Variants in CDH12 observed in about 807,000 individuals in gnomAD.
CDH12 encodes the protein cadherin 12, also known as cadherin-12.
Under a neutral mutation model 74.1 loss-of-function variants are expected in CDH12, and 41 were observed. That is an observed-to-expected ratio of 0.55 (90% confidence interval 0.43 to 0.72). The LOEUF (loss-of-function observed/expected upper bound fraction) is 0.72. Among genes scored for constraint, CDH12 ranks in the 30% least tolerant of loss-of-function variants. CDH12 has a pLI of 0.00. For synonymous variants in CDH12, 399 were observed against 355.0 expected, an observed-to-expected ratio of 1.12 and a Z score of -1.39; for missense variants, 945 against 977.2, an observed-to-expected ratio of 0.97 and a Z score of 0.44.
chr5:22,414,933 G>C (rs1743317782), intron 2 of CDH12, among the ~76,000 whole-genome samples: 1 of 151,830 alleles, frequency 6.6e-6, no homozygotes, highest in Non-Finnish European at 1.5e-5. Context: ...TCAAATGAAG[G>C]CTGCTTATTT....
intron 3 of CDH12, among the ~76,000 whole-genome samples, chr5:22,295,185 C>A (rs1023164111): frequency 6.6e-6 from 1 of 151,988 alleles, no homozygotes; most frequent in African/African-American, 2.4e-5. Flanking sequence ...GTCTTCCTTG[C>A]CTGTTTACTT....
At chr5:22,580,426 C>A (rs1740025467) in intron 1 of CDH12, 1 of 508,202 alleles carries the variant, frequency 2.0e-6, no homozygotes. Context: ...GAAACATCAC[C>A]CTCCAAGTAC....
chr5:22,054,828 AG>A (rs199811727), intron 5 of CDH12, among the ~76,000 whole-genome samples: 1,744 of 152,284 alleles, frequency 0.011, 23 homozygotes, highest in African/African-American at 0.039. Flanking sequence ...AGCCAAGAAT[AG>A]GCTACAGGAC....
chr5:22,790,736 T>G (rs1384104542), intron 1 of CDH12, among the ~76,000 whole-genome samples: 1 of 152,194 alleles, frequency 6.6e-6, no homozygotes, highest in Non-Finnish European at 1.5e-5. Flanking sequence ...TTTTGTTTCT[T>G]GTGTTTTGTG....
At chr5:22,033,105 G>A (rs1408533951) in intron 5 of CDH12, among the ~76,000 whole-genome samples, 1 of 150,536 alleles carries the variant, frequency 6.6e-6, no homozygotes, top group Non-Finnish European at 1.5e-5. Context: ...TGACAAAAGA[G>A]CTATAATTTT....
intron 8 of CDH12, among the ~76,000 whole-genome samples, chr5:21,838,008 G>A (rs985303466): frequency 1.3e-5 from 2 of 152,030 alleles, no homozygotes; most frequent in Non-Finnish European, 2.9e-5. Flanking sequence ...TTTTGCAGAT[G>A]TGCTCTAAGA....
chr5:21,822,997 A>T (rs1456689780), intron 8 of CDH12, among the ~76,000 whole-genome samples: 2 of 152,096 alleles, frequency 1.3e-5, no homozygotes, highest in Non-Finnish European at 2.9e-5. Context: ...TGCATAGTAG[A>T]TTAATTGCTT....
intron 3 of CDH12, among the ~76,000 whole-genome samples, chr5:22,266,115 G>C (rs13173898): frequency 6.7e-6 from 1 of 150,014 alleles, no homozygotes; most frequent in African/African-American, 2.5e-5. Flanking sequence ...CGCTCTTGTC[G>C]CTTAAGCTGG....
chr5:22,234,518 C>T (rs1277729996), intron 3 of CDH12, among the ~76,000 whole-genome samples: 1 of 151,958 alleles, frequency 6.6e-6, no homozygotes, highest in Admixed American at 6.6e-5. Context: ...GCCATGTGGA[C>T]CTGTAAGTCC....
At chr5:21,793,071 A>C (rs1042488665) in intron 10 of CDH12, among the ~76,000 whole-genome samples, 1 of 151,678 alleles carries the variant, frequency 6.6e-6, no homozygotes, top group South Asian at 2.1e-4. Flanking sequence ...AGATCATTTC[A>C]ATTTTTTTTC....
chr5:22,691,018 A>G (rs1417127509), intron 1 of CDH12, among the ~76,000 whole-genome samples: 1 of 152,096 alleles, frequency 6.6e-6, no homozygotes, highest in Non-Finnish European at 1.5e-5. Context: ...GCTAGATATG[A>G]TATTTTGTTA....
At chr5:21,861,314 TC>T (rs986895068) in intron 6 of CDH12, among the ~76,000 whole-genome samples, 1 of 151,898 alleles carries the variant, frequency 6.6e-6, no homozygotes, top group Non-Finnish European at 1.5e-5. Flanking sequence ...CATTAATTTT[TC>T]CCCAATACAA....
chr5:22,553,058 A>C (rs1738646559), intron 1 of CDH12, among the ~76,000 whole-genome samples: 1 of 152,180 alleles, frequency 6.6e-6, no homozygotes, highest in African/African-American at 2.4e-5. Flanking sequence ...AAACCTCAAA[A>C]GGTACTTAAC....
At chr5:22,493,565 T>G (rs566227389) in intron 2 of CDH12, among the ~76,000 whole-genome samples, 1 of 46,322 alleles carries the variant, frequency 2.2e-5, no homozygotes, top group East Asian at 4.4e-4. Context: ...TTTTTTTGGT[T>G]TTTTTTGAAA....
At chr5:22,840,626 T>C (rs754678959) in intron 1 of CDH12, among the ~76,000 whole-genome samples, 5 of 151,942 alleles carry the variant, frequency 3.3e-5, no homozygotes, top group African/African-American at 4.8e-5. Context: ...ACTGTTCTCA[T>C]CTCTTGAAAT....
chr5:22,622,614 T>C (rs1738034721), intron 1 of CDH12, among the ~76,000 whole-genome samples: 1 of 152,086 alleles, frequency 6.6e-6, no homozygotes, highest in Non-Finnish European at 1.5e-5. Flanking sequence ...CTCCCAAGAA[T>C]AAACCAGGAA....
chr5:22,597,294 A>C (rs553273158), intron 1 of CDH12, among the ~76,000 whole-genome samples: 1 of 152,336 alleles, frequency 6.6e-6, no homozygotes, highest in Non-Finnish European at 1.5e-5. Context: ...ATTCAGCTTA[A>C]ATTAACTAAT....
chr5:22,050,437 T>C (rs1561058309), intron 5 of CDH12, among the ~76,000 whole-genome samples: 1 of 152,148 alleles, frequency 6.6e-6, no homozygotes. Context: ...AAACAAAACC[T>C]GACACACAGA....
chr5:21,936,540 T>C (rs996910081), intron 6 of CDH12, among the ~76,000 whole-genome samples: 3 of 152,140 alleles, frequency 2.0e-5, no homozygotes, highest in Admixed American at 2.0e-4. Flanking sequence ...TTTAAACAAA[T>C]AATAGCTACA....
Sources: allele counts gnomAD v4.1 joint callset (sites outside exome capture counted in the v4.1 genomes callset), GRCh38; gene constraint gnomAD v4.1.1; transcripts MANE v1.5; gene names NCBI Gene and HGNC (gene_info 2026-07-23, HGNC 2026-07-21).